COL15A1: variants seen among roughly 807,000 people sequenced by gnomAD.
The protein encoded by COL15A1 is collagen type XV alpha 1 chain.
Under a neutral mutation model 165.9 loss-of-function variants are expected in COL15A1, and 111 were observed. The observed-to-expected ratio is 0.67, with a 90% CI of 0.57 to 0.78. The LOEUF (loss-of-function observed/expected upper bound fraction) is 0.78. Among genes scored for constraint, COL15A1 ranks in the 30% least tolerant of loss-of-function variants. The pLI is 0.00. For synonymous variants in COL15A1, 659 were observed against 674.8 expected (o/e 0.98, Z 0.36); for missense variants, 1,745 against 1,789.7 (o/e 0.98, Z 0.45).
intron 4 of COL15A1, among the ~76,000 whole-genome samples, chr9:98,988,269 T>C (rs1399693860): frequency 1.3e-5 from 2 of 152,224 alleles, no homozygotes; most frequent in African/African-American, 4.8e-5. Flanking sequence ...CTGTGTTCCA[T>C]GAGCCAGTGG....
chr9:99,015,342 AC>A (rs1005064854), intron 9 of COL15A1, 74 bp from the exon 10 acceptor site: 10 of 990,502 alleles, frequency 1.0e-5, no homozygotes, highest in Admixed American at 1.8e-5. Flanking sequence ...AGCGCTTTCC[AC>A]CCCCCAGCCT....
chr9:99,063,494 A>G (rs971392333), intron 39 of COL15A1, among the ~76,000 whole-genome samples: 1 of 152,200 alleles, frequency 6.6e-6, no homozygotes, highest in African/African-American at 2.4e-5. Flanking sequence ...TTCAAGGCAG[A>G]AAAGGGAGAC....
intron 5 of COL15A1, among the ~76,000 whole-genome samples, chr9:98,990,529 C>G (rs902522543): frequency 6.6e-6 from 1 of 152,252 alleles, no homozygotes. Flanking sequence ...CAGTAGGACA[C>G]AGAGTGGCCT....
rs189669545 is a variant in COL15A1 at position 98,999,840 on chromosome 9, T to C, written c.953-999T>C. On this transcript the variant is annotated intron_variant, in intron 6 of 41. Transcript: ENST00000375001. ...CGGCCAATGAATAAGTTTTCTTTGC[T>C]TCAAAAATCCATTTGCGTTTTTTTT... Among the ~76,000 whole-genome samples, 23 of 148,392 alleles carry C rather than the reference T, an allele frequency of 1.5e-4. No homozygotes were observed. The East Asian group carries it at 4.7e-3, about 30-fold the overall frequency.
intron 11 of COL15A1, among the ~76,000 whole-genome samples, chr9:99,017,525 G>A (rs1278414096): frequency 1.3e-5 from 2 of 152,194 alleles, no homozygotes. Context: ...AACAACTCTG[G>A]TTTTTAACTC....
At chr9:99,043,257 G>T (rs149658865) in intron 24 of COL15A1, among the ~76,000 whole-genome samples, 1 of 152,252 alleles carries the variant, frequency 6.6e-6, no homozygotes, top group Non-Finnish European at 1.5e-5. Flanking sequence ...CTGGGTGAAG[G>T]TTTGGCATCA....
chr9:98,994,544 G>A (rs888188405), intron 5 of COL15A1, among the ~76,000 whole-genome samples: 3 of 152,096 alleles, frequency 2.0e-5, no homozygotes, highest in Non-Finnish European at 2.9e-5. Flanking sequence ...TCCGAATCAT[G>A]GTTTGTTGCG....
At chr9:98,972,729 T>C (rs886146386) in intron 2 of COL15A1, among the ~76,000 whole-genome samples, 23 of 152,186 alleles carry the variant, frequency 1.5e-4, no homozygotes, top group African/African-American at 5.5e-4. Flanking sequence ...GCATGGTCCA[T>C]GCCCAGGGCC....
chr9:99,038,610 G>C, intron 21 of COL15A1, 58 bp from the exon 22 acceptor site: 1 of 1,076,390 alleles, frequency 9.3e-7, no homozygotes, highest in South Asian at 1.3e-5. Flanking sequence ...TTGCTGCCAG[G>C]AACAAGGCAG....
In COL15A1 at chr9:99,052,437, T is replaced by C. The variant is rs368845436; in HGVS notation, c.2950+4T>C. The C allele has an allele frequency of 1.9e-6, 3 of 1,597,816 alleles. No homozygotes were observed. The highest frequency in any genetic ancestry group is 2.6e-6 in the Non-Finnish European group (3 of 1,165,504). ...CCAGAGCTCATCACTTTTCACGGTA[T>C]ACACTCCCTTCTTCATCATTTGTTT... is the stretch of plus-strand genomic sequence containing the variant. On this transcript the variant is annotated splice_donor_region_variant and intron_variant, in intron 31 of 41. Coordinates refer to ENST00000375001, the MANE Select transcript of COL15A1 (RefSeq NM_001855.5).
At chr9:98,983,147 CATA>C (rs1838257135) in intron 2 of COL15A1, among the ~76,000 whole-genome samples, 1 of 152,036 alleles carries the variant, frequency 6.6e-6, no homozygotes, top group South Asian at 2.1e-4. Context: ...CTAGATATTC[CATA>C]ATAATTGAGG....
chr9:99,052,269 A>T (rs1220032038), intron 30 of COL15A1, 119 bp from the exon 31 acceptor site: 1 of 767,944 alleles, frequency 1.3e-6, no homozygotes, highest in Non-Finnish European at 2.3e-6. Context: ...GAGCCAAAGG[A>T]AGGCCTGACT....
intron 24 of COL15A1, 49 bp downstream of exon 24, chr9:99,042,156 A>G: frequency 7.3e-7 from 1 of 1,361,510 alleles, no homozygotes; most frequent in Non-Finnish European, 1.0e-6. Context: ...GGAATTTGCT[A>G]AACGTTTCAG....
intron 10 of COL15A1, 40 bp downstream of exon 10, chr9:99,015,606 A>G: frequency 6.3e-7 from 1 of 1,596,720 alleles, no homozygotes. Context: ...CACAGGGGAG[A>G]GACAGGTCTG....
At chr9:98,994,589 C>T (rs1838512204) in intron 5 of COL15A1, among the ~76,000 whole-genome samples, 1 of 152,196 alleles carries the variant, frequency 6.6e-6, no homozygotes, top group Non-Finnish European at 1.5e-5. Context: ...CATCACCTGA[C>T]AGCTTGAGGA....
At chr9:99,031,934 G>A (rs1188605565) in intron 16 of COL15A1, among the ~76,000 whole-genome samples, 1 of 152,030 alleles carries the variant, frequency 6.6e-6, no homozygotes, top group Non-Finnish European at 1.5e-5. Flanking sequence ...TTTTTAAAAT[G>A]TTTTTATTTT....
At chr9:99,066,321 A>G (rs960147055) in intron 39 of COL15A1, among the ~76,000 whole-genome samples, 1 of 152,228 alleles carries the variant, frequency 6.6e-6, no homozygotes, top group Admixed American at 6.5e-5. Context: ...TAAGACCCCT[A>G]GTTCCAGAAG....
At chr9:98,958,033 G>A (rs1391169892) in intron 2 of COL15A1, among the ~76,000 whole-genome samples, 1 of 152,198 alleles carries the variant, frequency 6.6e-6, no homozygotes, top group Non-Finnish European at 1.5e-5. Context: ...TAATAACCCA[G>A]TGGAACCCTG....
intron 9 of COL15A1, among the ~76,000 whole-genome samples, chr9:99,014,221 T>A (rs774581210): frequency 5.3e-5 from 8 of 152,134 alleles, no homozygotes; most frequent in Non-Finnish European, 1.2e-4. Context: ...AAAACCCCAA[T>A]TCAGCTACTT....
Sources: allele counts gnomAD v4.1 joint callset (sites outside exome capture counted in the v4.1 genomes callset), GRCh38; gene constraint gnomAD v4.1.1; transcripts MANE v1.5; gene names NCBI Gene and HGNC (gene_info 2026-07-23, HGNC 2026-07-21).